ZNF266: variants seen among roughly 807,000 people sequenced by gnomAD.
ZNF266 encodes the protein zinc finger protein 1.
ZNF266 carries 16 observed loss-of-function variants against 16.4 expected under a neutral mutation model. The ratio of observed to expected loss-of-function variants is 0.98; its 90% CI spans 0.66 to 1.48. ZNF266 has a LOEUF of 1.48. Among genes scored for constraint, ZNF266 ranks in the 40% most tolerant of loss-of-function variants. The probability of loss-of-function intolerance (pLI) is 0.00; values close to 1 mark genes in which losing one functional copy is unlikely to be tolerated. For missense variants in ZNF266, 738 were observed against 689.1 expected (o/e 1.07, Z -0.79); for synonymous variants, 262 against 237.9 (o/e 1.10, Z -0.93).
At chr19:9,426,193 T>C (rs1161187787) in intron 5 of ZNF266, among the ~76,000 whole-genome samples, 1 of 151,974 alleles carries the variant, frequency 6.6e-6, no homozygotes, top group African/African-American at 2.4e-5. Context: ...GGCGGCTGCC[T>C]ACAAAGGGGT....
At chr19:9,420,964 C>T (rs2123058035) in intron 5 of ZNF266, among the ~76,000 whole-genome samples, 1 of 152,166 alleles carries the variant, frequency 6.6e-6, no homozygotes, top group East Asian at 1.9e-4. Context: ...ATGGTCACTA[C>T]CCACATGTGT....
chr19:9,432,483 T>C (rs1301519814), intron 5 of ZNF266, among the ~76,000 whole-genome samples: 2 of 152,010 alleles, frequency 1.3e-5, no homozygotes, highest in African/African-American at 4.8e-5. Context: ...ACAGAGAAAA[T>C]GTATAGAATT....
At chr19:9,423,055 AC>A (rs369629870) in intron 5 of ZNF266, among the ~76,000 whole-genome samples, 184 of 152,336 alleles carry the variant, frequency 1.2e-3, no homozygotes, top group African/African-American at 4.3e-3. Context: ...CTGTTACTTT[AC>A]CTAGCTGCAC....
At position 9,418,513 on chromosome 19, in the gene ZNF266, G is replaced by C. The variant is rs573961518; in HGVS notation, c.227C>G (p.Ala76Gly). Reference sequence around the variant, plus strand: ...GATGAGGCCAGTCTTACCTACTGTGGCCAAATTCTTGTAGTTCTCCAGCAT... The same window carrying C: ...GATGAGGCCAGTCTTACCTACTGTGCCCAAATTCTTGTAGTTCTCCAGCAT... ...DVMLENYKNL[A>G]TVGYQLFKPS... The change falls in exon 8 of 11, where the codon GCC becomes GGC. Residue 76 changes from alanine (A) to glycine (G), a missense_variant. Physicochemically the swap from Ala to Gly is moderately conservative, Grantham distance 60. Transcript: ENST00000592904. 14 of 1,614,144 alleles carry C rather than the reference G, an allele frequency of 8.7e-6. No individual in the cohort carries two copies. In the African/African-American group the frequency reaches 1.7e-4, roughly 20 times the overall value.
chr19:9,428,201 G>T (rs1450204488), intron 5 of ZNF266, among the ~76,000 whole-genome samples: 1 of 152,150 alleles, frequency 6.6e-6, no homozygotes, highest in Non-Finnish European at 1.5e-5. Flanking sequence ...ACAGACCTGA[G>T]CCTGTGATCC....
At chr19:9,429,309 T>C (rs2071236683) in intron 5 of ZNF266, among the ~76,000 whole-genome samples, 1 of 152,114 alleles carries the variant, frequency 6.6e-6, no homozygotes, top group South Asian at 2.1e-4. Context: ...AACATTAGAT[T>C]GTCCCAGAGG....
At chr19:9,432,466 G>C (rs1178295565) in intron 5 of ZNF266, among the ~76,000 whole-genome samples, 1 of 152,156 alleles carries the variant, frequency 6.6e-6, no homozygotes, top group East Asian at 1.9e-4. Flanking sequence ...GAACCCCTAA[G>C]TGCCAAACAG....
At chr19:9,434,963 C>G (rs1420623380) in intron 2 of ZNF266, 104 bp from the exon 3 acceptor site, 1 of 152,142 alleles carries the variant, frequency 6.6e-6, no homozygotes. Flanking sequence ...AATAACCACA[C>G]CCCAGATACC....
chr19:9,425,902 G>A (rs1046535295), intron 5 of ZNF266, among the ~76,000 whole-genome samples: 1 of 152,164 alleles, frequency 6.6e-6, no homozygotes, highest in Non-Finnish European at 1.5e-5. Context: ...TTGCTACTGA[G>A]AGGCAGAAGG....
Position 9,425,394 on chromosome 19 carries a change from AT to A in ZNF266, c.-129-5177del, listed in dbSNP as rs537491715. Reference sequence around the variant, plus strand: ...TGTTTTGTTGTGCTGCCTCCTCTACATCTTGCCCGCCCAACACACTGGAATG... The same window carrying A: ...TGTTTTGTTGTGCTGCCTCCTCTACACTTGCCCGCCCAACACACTGGAATG... On this transcript the variant is annotated intron_variant, in intron 5 of 10. Transcript: ENST00000592904. Among the ~76,000 whole-genome samples, 37 of 152,092 alleles carry A rather than the reference AT, an allele frequency of 2.4e-4. No homozygotes were observed. In the South Asian group the frequency reaches 5.6e-3, roughly 23 times the overall value.
At position 9,415,881 on chromosome 19, in the gene ZNF266, T is replaced by C. The variant is rs2068902551; in HGVS notation, c.317-139A>G. On this transcript the variant is annotated intron_variant, in intron 9 of 10. Coordinates refer to ENST00000592904, the MANE Select transcript of ZNF266 (RefSeq NM_001370374.1). ...CTCTGTTGCCCAGGCTGGAGTGCAA[T>C]GGCGTGGTCTCAGCTCACTGCAACC... The C allele has an allele frequency of 1.2e-5, 7 of 601,888 alleles. No individual in the cohort carries two copies. In the East Asian group the frequency reaches 2.7e-4, roughly 23 times the overall value. 37.3% of individuals were successfully genotyped at this position (601,888 alleles called of 1,614,324 possible). A position where few individuals can be genotyped will look rare whatever the true frequency, so the allele number is the denominator to read the frequency against.
chr19:9,422,723 G>A (rs1469609982), intron 5 of ZNF266, among the ~76,000 whole-genome samples: 2 of 152,120 alleles, frequency 1.3e-5, no homozygotes, highest in African/African-American at 2.4e-5. Flanking sequence ...AAGCACTACA[G>A]CCCCGCTAAA....
In ZNF266 at chr19:9,426,308, C is replaced by T. The variant is rs1274564999; in HGVS notation, c.-129-6090G>A. On this transcript the variant is annotated intron_variant, in intron 5 of 10. Transcript: ENST00000592904. ...AAAATATTTTAGCCACCTGGAGATACAAGCCATTCTGAAGATTTTACTTAG... is the reference window on the plus strand; with the variant it reads ...AAAATATTTTAGCCACCTGGAGATATAAGCCATTCTGAAGATTTTACTTAG... Among the ~76,000 whole-genome samples the T allele has an allele frequency of 2.6e-5, 4 of 151,808 alleles. No homozygotes were observed. The East Asian group carries it at 7.8e-4, about 29-fold the overall frequency.
At position 9,412,443 on chromosome 19, in the gene ZNF266, T is replaced by A. The variant is rs994219790; in HGVS notation, c.*832A>T. Reference sequence around the variant, plus strand: ...AACGGAAAAAATAATCACAAAAAAATTTTATTATGTTTGAAGAAAGCTTAA... The same window carrying A: ...AACGGAAAAAATAATCACAAAAAAAATTTATTATGTTTGAAGAAAGCTTAA... On this transcript the variant is annotated 3_prime_UTR_variant, in exon 11 of 11. Transcript: ENST00000592904. Among the ~76,000 whole-genome samples the A allele has an allele frequency of 1.3e-5, 2 of 152,170 alleles. No individual in the cohort carries two copies. Among genetic ancestry groups the A allele is most frequent in the African/African-American group, 2.4e-5 (1 of 41,432 alleles).
chr19:9,425,328 C>G (rs901099416), intron 5 of ZNF266, among the ~76,000 whole-genome samples: 3 of 152,184 alleles, frequency 2.0e-5, no homozygotes, highest in Non-Finnish European at 4.4e-5. Context: ...GCCTCCCATC[C>G]TGGGGATCTG....
chr19:9,424,260 G>A (rs1444691672), intron 5 of ZNF266, among the ~76,000 whole-genome samples: 2 of 151,600 alleles, frequency 1.3e-5, no homozygotes, highest in Admixed American at 1.3e-4. Flanking sequence ...TTAATCTACT[G>A]GCTGGAGTGG....
chr19:9,420,016 G>A (rs1475173084), intron 6 of ZNF266, 49 bp downstream of exon 6: 1 of 153,062 alleles, frequency 6.5e-6, no homozygotes, highest in African/African-American at 2.4e-5. Context: ...CTGTGTGGGG[G>A]GGGACACCTA....
In ZNF266 at chr19:9,434,239, T is replaced by C. The variant is rs2072093249; in HGVS notation, c.-409-4A>G. ...ATCACTCTTTTCTTAGCATTGCCTA[T>C]TCCAAAGAAAAATAGAGAAAATAAT... On this transcript the variant is annotated splice_polypyrimidine_tract_variant and splice_region_variant and intron_variant, in intron 3 of 10. Coordinates refer to ENST00000592904, the MANE Select transcript of ZNF266 (RefSeq NM_001370374.1). 6.6e-6 allele frequency: 1 copy of C among 152,198 alleles called. No individual in the cohort carries two copies. The highest frequency in any genetic ancestry group is 2.1e-4 in the South Asian group (1 of 4,834). The allele number at this position is 152,198 out of a possible 1,614,324, so 9.4% of individuals were successfully genotyped here. A position where few individuals can be genotyped will look rare whatever the true frequency, so the allele number is the denominator to read the frequency against.
intron 5 of ZNF266, among the ~76,000 whole-genome samples, chr19:9,428,668 A>G (rs2071131029): frequency 6.6e-6 from 1 of 151,750 alleles, no homozygotes; most frequent in African/African-American, 2.4e-5. Flanking sequence ...CTTCATGGTT[A>G]CAATAAACTA....
Sources: allele counts gnomAD v4.1 joint callset (sites outside exome capture counted in the v4.1 genomes callset), GRCh38; gene constraint gnomAD v4.1.1; transcripts MANE v1.5; gene names NCBI Gene and HGNC (gene_info 2026-07-23, HGNC 2026-07-21).